The following KIF16B variants were observed in gnomAD, a reference collection of about 807,000 sequenced individuals.
KIF16B encodes kinesin-like protein KIF16B.
Under a neutral mutation model 156.3 loss-of-function variants are expected in KIF16B, and 98 were observed. The ratio of observed to expected loss-of-function variants is 0.63; its 90% CI spans 0.53 to 0.74. The LOEUF (loss-of-function observed/expected upper bound fraction) is 0.74, where lower values mean the gene tolerates loss of function less well. KIF16B is among the 30% of genes least tolerant of loss of function. The probability of loss-of-function intolerance (pLI) is 0.00; values close to 1 mark genes in which losing one functional copy is unlikely to be tolerated. For missense variants in KIF16B, 1,421 were observed against 1,606.5 expected (o/e 0.88, Z 1.97); for synonymous variants, 564 against 583.7 (o/e 0.97, Z 0.49).
At position 16,544,815 on chromosome 20, in the gene KIF16B, C is replaced by G. The variant is rs114979634; in HGVS notation, c.48-16375G>C. On this transcript the variant is annotated intron_variant, in intron 1 of 25. Transcript: ENST00000354981. ...ATGATGTCCTGCTCTTCATATATTT[C>G]ACAACACCTAGCACTGTCCTCATAT... Among the ~76,000 whole-genome samples, 468 of 152,142 alleles carry G rather than the reference C, an allele frequency of 3.1e-3. 4 individuals are homozygous for G. The highest frequency in any genetic ancestry group is 0.011 in the African/African-American group (456 of 41,502).
At chr20:16,345,707 C>T (rs2064220858) in intron 23 of KIF16B, among the ~76,000 whole-genome samples, 1 of 152,136 alleles carries the variant, frequency 6.6e-6, no homozygotes, top group Admixed American at 6.5e-5. Context: ...AGGGTGGGTC[C>T]TGTTAACCTA....
At chr20:16,385,453 G>T (rs1038416618) in intron 17 of KIF16B, among the ~76,000 whole-genome samples, 13 of 152,126 alleles carry the variant, frequency 8.5e-5, no homozygotes, top group Non-Finnish European at 1.5e-4. Context: ...AAGAGACTGA[G>T]CCCAGAGATC....
chr20:16,437,749 GGTATTATTCAT>G (rs2066681478), intron 12 of KIF16B, among the ~76,000 whole-genome samples: 1 of 152,066 alleles, frequency 6.6e-6, no homozygotes. Flanking sequence ...TCAGTAAGGA[GGTATTATTCAT>G]GTGTGAAGAA....
At chr20:16,312,927 G>A (rs761756654) in intron 24 of KIF16B, among the ~76,000 whole-genome samples, 15 of 151,820 alleles carry the variant, frequency 9.9e-5, no homozygotes, top group African/African-American at 1.5e-4. Flanking sequence ...AGTTACCACC[G>A]TGAATGAAGA....
rs117801646 is a variant in KIF16B, at chr20:16,277,007, C to T, written c.3796-3596G>A. On this transcript the variant is annotated intron_variant, in intron 25 of 25. Transcript: ENST00000354981. ...CTTCCAGCCCCCAGGCAGCCCTCCTCGTACTCCCTCCTCCGGTACAAACCT... is the reference window on the plus strand; with the variant it reads ...CTTCCAGCCCCCAGGCAGCCCTCCTTGTACTCCCTCCTCCGGTACAAACCT... Among the ~76,000 whole-genome samples, 114 of 152,320 alleles carry T rather than the reference C, an allele frequency of 7.5e-4. 1 individual carries two copies. Among genetic ancestry groups the T allele is most frequent in the Non-Finnish European group, 1.5e-3 (103 of 68,036 alleles).
In KIF16B at chr20:16,368,034, T is replaced by C. The variant is rs1356321597; in HGVS notation, c.3498+2552A>G. ...ACTGAAGCAGGAGCAAACACGCTGG[T>C]TGAGGGTCAGGTGCTGTGCAGGCAG... On this transcript the variant is annotated intron_variant, in intron 22 of 25. Coordinates refer to ENST00000354981, the MANE Select transcript of KIF16B (RefSeq NM_024704.5). The C allele has an allele frequency of 5.7e-6, 8 of 1,403,852 alleles. No homozygotes were observed. In the South Asian group the frequency reaches 1.2e-4, roughly 22 times the overall value. 87.0% of individuals were successfully genotyped at this position (1,403,852 alleles called of 1,614,324 possible).
At chr20:16,461,854 T>C (rs2067353971) in intron 12 of KIF16B, among the ~76,000 whole-genome samples, 1 of 152,238 alleles carries the variant, frequency 6.6e-6, no homozygotes, top group African/African-American at 2.4e-5. Context: ...CGAAGGCAGT[T>C]ATTTGAGAAT....
rs76845974 is a variant in KIF16B at position 16,369,767 on chromosome 20, T to C, written c.3498+819A>G. ...GTTTCATGGGGATCAAATGTTCCCA[T>C]GAACATTAACAGTAATTATCATTAC... On this transcript the variant is annotated intron_variant, in intron 22 of 25. Coordinates refer to ENST00000354981, the MANE Select transcript of KIF16B (RefSeq NM_024704.5). Among the ~76,000 whole-genome samples, 302 of 152,344 alleles carry C rather than the reference T, an allele frequency of 2.0e-3. 2 individuals carry two copies. The highest frequency in any genetic ancestry group is 6.8e-3 in the African/African-American group (281 of 41,596).
At chr20:16,450,797 C>T in intron 12 of KIF16B, among the ~76,000 whole-genome samples, 1 of 152,256 alleles carries the variant, frequency 6.6e-6, no homozygotes, top group South Asian at 2.1e-4. Context: ...AGGAAACAAA[C>T]AGAGTCATAT....
At chr20:16,431,882 T>G (rs950053712) in intron 12 of KIF16B, among the ~76,000 whole-genome samples, 8 of 146,452 alleles carry the variant, frequency 5.5e-5, no homozygotes, top group African/African-American at 2.0e-4. Flanking sequence ...TATACATATA[T>G]ATATATACTA....
chr20:16,307,572 T>C (rs1049361099), intron 25 of KIF16B, among the ~76,000 whole-genome samples: 1 of 152,218 alleles, frequency 6.6e-6, no homozygotes, highest in Non-Finnish European at 1.5e-5. Flanking sequence ...TTCATGAATG[T>C]TCCAAAGCAG....
At chr20:16,336,578 C>G (rs1373529227) in intron 23 of KIF16B, among the ~76,000 whole-genome samples, 1 of 152,152 alleles carries the variant, frequency 6.6e-6, no homozygotes, top group Non-Finnish European at 1.5e-5. Flanking sequence ...CCACTTCCCA[C>G]CTTTCTTCTG....
At chr20:16,447,192 G>A (rs767540917) in intron 12 of KIF16B, among the ~76,000 whole-genome samples, 1 of 151,918 alleles carries the variant, frequency 6.6e-6, no homozygotes, top group Non-Finnish European at 1.5e-5. Context: ...TGCACTTTAA[G>A]TTCCTCTTGT....
At chr20:16,514,582 GAAAAAAAA>G (rs540602451) in intron 4 of KIF16B, among the ~76,000 whole-genome samples, 4 of 76,948 alleles carry the variant, frequency 5.2e-5, no homozygotes, top group Admixed American at 1.4e-4. Flanking sequence ...TAAGAAATAA[GAAAAAAAA>G]AAAAAAAAAA....
chr20:16,475,609 T>C (rs1414319536), intron 12 of KIF16B, among the ~76,000 whole-genome samples: 1 of 152,214 alleles, frequency 6.6e-6, no homozygotes, highest in Non-Finnish European at 1.5e-5. Context: ...TTACCAAATG[T>C]ACAACGAAGG....
At chr20:16,308,921 G>A (rs1444147724) in intron 25 of KIF16B, among the ~76,000 whole-genome samples, 1 of 152,210 alleles carries the variant, frequency 6.6e-6, no homozygotes, top group African/African-American at 2.4e-5. Flanking sequence ...GCCAACACAT[G>A]TCTCCCAGGC....
At chr20:16,288,082 C>T (rs2063252648) in intron 25 of KIF16B, among the ~76,000 whole-genome samples, 2 of 152,176 alleles carry the variant, frequency 1.3e-5, no homozygotes, top group Admixed American at 1.3e-4. Flanking sequence ...GCCATTAGGA[C>T]TCAACTTCTT....
In KIF16B at chr20:16,531,886, G is replaced by A. The variant is rs578016806; in HGVS notation, c.48-3446C>T. 7.1e-4 allele frequency among the ~76,000 whole-genome samples: 108 copies of A among 152,138 alleles called. 1 individual carries two copies. The highest frequency in any genetic ancestry group is 2.4e-3 in the African/African-American group (101 of 41,516). On this transcript the variant is annotated intron_variant, in intron 1 of 25. Coordinates refer to ENST00000354981, the MANE Select transcript of KIF16B (RefSeq NM_024704.5). Reference sequence around the variant, plus strand: ...GGTTCGAGACCAGCCTGGCCAACATGGCAAAACCCCGCCTCTACTAAAAAG... The same window carrying A: ...GGTTCGAGACCAGCCTGGCCAACATAGCAAAACCCCGCCTCTACTAAAAAG...
intron 1 of KIF16B, among the ~76,000 whole-genome samples, chr20:16,569,438 G>T: frequency 6.6e-6 from 1 of 152,150 alleles, no homozygotes; most frequent in Non-Finnish European, 1.5e-5. Flanking sequence ...AATCACTTCC[G>T]CATTTGAAAT....
Sources: allele counts gnomAD v4.1 joint callset (sites outside exome capture counted in the v4.1 genomes callset), GRCh38; gene constraint gnomAD v4.1.1; transcripts MANE v1.5; gene names NCBI Gene and HGNC (gene_info 2026-07-23, HGNC 2026-07-21).